Variants in NAV3 observed in about 807,000 individuals in gnomAD.
NAV3 encodes the protein neuron navigator 3.
Under a neutral mutation model 244.7 loss-of-function variants are expected in NAV3, and 87 were observed. That is an observed-to-expected ratio of 0.36 (90% CI 0.30 to 0.42). The LOEUF (loss-of-function observed/expected upper bound fraction) is 0.42. NAV3 is among the 20% of genes least tolerant of loss of function. The pLI is 1.00. For missense variants in NAV3, 2,663 were observed against 2,893.3 expected (o/e 0.92, Z 1.83); for synonymous variants, 1,126 against 1,042.2 (o/e 1.08, Z -1.55).
intron 2 of NAV3, among the ~76,000 whole-genome samples, chr12:77,815,977 A>G (rs1872513904): frequency 6.6e-6 from 1 of 152,170 alleles, no homozygotes; most frequent in South Asian, 2.1e-4. Context: ...TCAAGCTGGT[A>G]TCATATATCA....
chr12:78,025,037 G>C (rs544088880), intron 9 of NAV3, among the ~76,000 whole-genome samples: 1 of 151,820 alleles, frequency 6.6e-6, no homozygotes, highest in Non-Finnish European at 1.5e-5. Flanking sequence ...CTCAAGTACT[G>C]TTGTGATTTA....
At chr12:77,651,549 G>T (rs1872824725) in intron 2 of NAV3, among the ~76,000 whole-genome samples, 1 of 151,996 alleles carries the variant, frequency 6.6e-6, no homozygotes, top group Non-Finnish European at 1.5e-5. Context: ...GTATGTTATT[G>T]GTACAGTGCT....
At chr12:78,008,661 TG>T (rs5799369) in intron 8 of NAV3, among the ~76,000 whole-genome samples, 87,167 of 151,902 alleles carry the variant, frequency 0.57, 25,323 homozygotes, top group East Asian at 0.67. Flanking sequence ...TTTATTTTTT[TG>T]CTCAATGAGG....
intron 2 of NAV3, among the ~76,000 whole-genome samples, chr12:77,797,542 T>C (rs1415306786): frequency 2.7e-5 from 4 of 149,622 alleles, no homozygotes; most frequent in Non-Finnish European, 5.9e-5. Flanking sequence ...TTTTTTTTTT[T>C]TTTTTTTAAA....
chr12:77,787,439 C>G (rs1387795706), intron 2 of NAV3, among the ~76,000 whole-genome samples: 2 of 152,160 alleles, frequency 1.3e-5, no homozygotes, highest in South Asian at 4.1e-4. Flanking sequence ...TTCAGCATGG[C>G]TGGGGAGACC....
At chr12:77,842,609 TCC>T (rs1171864528) in intron 1 of NAV3, among the ~76,000 whole-genome samples, 1 of 150,562 alleles carries the variant, frequency 6.6e-6, no homozygotes, top group African/African-American at 2.4e-5. Flanking sequence ...TAAGGAGGTG[TCC>T]TCTCTCTTGG....
chr12:77,593,709 C>T lies in NAV3; in HGVS notation c.72+21443C>T, dbSNP rs576799745. Among the ~76,000 whole-genome samples the T allele has an allele frequency of 1.3e-4, 20 of 150,036 alleles. No homozygotes were observed. The East Asian group carries it at 4.0e-3, about 30-fold the overall frequency. ...CAGGGTGGTATAGATCTCCTGACCT[C>T]GTGATCTGCCTGCCTTGGCCTCCCA... On this transcript the variant is annotated intron_variant, in intron 2 of 8. Coordinates refer to the NAV3 transcript ENST00000550042.
At chr12:78,147,787 G>A (rs1021229160) in intron 21 of NAV3, among the ~76,000 whole-genome samples, 2 of 152,072 alleles carry the variant, frequency 1.3e-5, no homozygotes, top group African/African-American at 4.8e-5. Context: ...ACTATGTCAA[G>A]AATTCTCTTT....
intron 2 of NAV3, among the ~76,000 whole-genome samples, chr12:77,792,537 G>A (rs1460936368): frequency 6.6e-6 from 1 of 152,112 alleles, no homozygotes; most frequent in Admixed American, 6.5e-5. Context: ...TGCTTTCCAG[G>A]GGCTGCTCCC....
intron 2 of NAV3, among the ~76,000 whole-genome samples, chr12:77,604,114 A>C (rs1870563914): frequency 6.6e-6 from 1 of 152,090 alleles, no homozygotes; most frequent in Non-Finnish European, 1.5e-5. Context: ...AAACATGAAA[A>C]GAAACTCACT....
intron 5 of NAV3, among the ~76,000 whole-genome samples, chr12:77,988,082 A>G (rs1270516097): frequency 6.6e-6 from 1 of 152,200 alleles, no homozygotes; most frequent in Non-Finnish European, 1.5e-5. Context: ...AGAAACTGTG[A>G]GTATTCTCCT....
intron 11 of NAV3, among the ~76,000 whole-genome samples, chr12:78,055,540 G>T (rs573173875): frequency 6.6e-6 from 1 of 152,042 alleles, no homozygotes; most frequent in South Asian, 2.1e-4. Context: ...TAAAACCCTC[G>T]CTGATGTTTC....
chr12:77,787,311 A>C (rs938348754), intron 2 of NAV3, among the ~76,000 whole-genome samples: 44 of 152,210 alleles, frequency 2.9e-4, no homozygotes, highest in Admixed American at 2.3e-3. Context: ...AGTTTTTAAA[A>C]GCAGCCTTCT....
At chr12:78,149,632 G>A (rs775088163) in intron 22 of NAV3, among the ~76,000 whole-genome samples, 2 of 152,094 alleles carry the variant, frequency 1.3e-5, no homozygotes, top group African/African-American at 4.8e-5. Context: ...ACAGCAGTGA[G>A]GGGTAAGGAA....
Position 78,204,235 on chromosome 12 carries a change from T to C in NAV3, c.6835-700T>C, listed in dbSNP as rs368271995. Among the ~76,000 whole-genome samples the C allele has an allele frequency of 1.3e-4, 20 of 151,870 alleles. No individual in the cohort carries two copies. In the East Asian group the frequency reaches 3.9e-3, roughly 30 times the overall value. On this transcript the variant is annotated intron_variant, in intron 38 of 39. Coordinates refer to ENST00000397909, the MANE Select transcript of NAV3 (RefSeq NM_001024383.2). ...GGGGCGGAGGGGGGAGGGATAGCAT[T>C]AGGAGATACACCTAATGCAAAATGA... is the stretch of plus-strand genomic sequence containing the variant.
intron 3 of NAV3, among the ~76,000 whole-genome samples, chr12:77,950,173 A>G (rs1287521233): frequency 2.0e-5 from 3 of 152,072 alleles, no homozygotes; most frequent in African/African-American, 7.2e-5. Context: ...CTTTGGGTAA[A>G]TACTAATAAG....
chr12:77,918,889 C>T (rs545238617), intron 1 of NAV3, among the ~76,000 whole-genome samples: 2 of 152,018 alleles, frequency 1.3e-5, no homozygotes, highest in South Asian at 4.2e-4. Context: ...AACCCAAATT[C>T]AAGATTGGAG....
At chr12:78,104,991 TGA>T (rs1954729165) in intron 12 of NAV3, among the ~76,000 whole-genome samples, 2 of 152,304 alleles carry the variant, frequency 1.3e-5, no homozygotes, top group Non-Finnish European at 1.5e-5. Context: ...TTCACAATGC[TGA>T]GTGTTTGTTT....
At chr12:78,099,982 G>A (rs971118189) in intron 12 of NAV3, among the ~76,000 whole-genome samples, 4 of 151,796 alleles carry the variant, frequency 2.6e-5, no homozygotes, top group Admixed American at 1.3e-4. Flanking sequence ...CTGATGCCAC[G>A]ACAGAATAGC....
Sources: gnomAD v4.1 joint callset for allele counts (sites outside exome capture counted in the v4.1 genomes callset) on GRCh38, gnomAD v4.1.1 for gene constraint, MANE v1.5 for transcripts, NCBI Gene and HGNC (gene_info 2026-07-23, HGNC 2026-07-21) for gene names.